Variants in EXOC6B observed in about 807,000 individuals in gnomAD.
EXOC6B encodes the protein exocyst complex component 6B, also known as SEC15 homolog B.
In EXOC6B, 54 loss-of-function variants were observed where a neutral mutation model predicts 113.5. The observed-to-expected ratio is 0.48, with a 90% CI of 0.38 to 0.60. The LOEUF is 0.60. EXOC6B is among the 20% of genes least tolerant of loss of function. The probability of loss-of-function intolerance (pLI) is 0.00; values close to 1 mark genes in which losing one functional copy is unlikely to be tolerated. For synonymous variants in EXOC6B, 357 were observed against 339.0 expected (o/e 1.05, Z -0.58); for missense variants, 797 against 977.5 (o/e 0.82, Z 2.46).
At chr2:72,806,615 T>G (rs138529338) in intron 1 of EXOC6B, among the ~76,000 whole-genome samples, 7 of 152,368 alleles carry the variant, frequency 4.6e-5, no homozygotes, top group African/African-American at 1.7e-4. Context: ...CAAACTACTT[T>G]CCACAGTGGC....
At chr2:72,482,899 C>CAAATAAATTCTCTTA (rs1699190250) in intron 16 of EXOC6B, among the ~76,000 whole-genome samples, 3 of 152,274 alleles carry the variant, frequency 2.0e-5, no homozygotes, top group Non-Finnish European at 2.9e-5. Context: ...CGATACAATT[C>CAAATAAATTCTCTTA]GAATAAATTC....
chr2:72,580,510 T>C (rs1705157172), intron 6 of EXOC6B, among the ~76,000 whole-genome samples: 1 of 152,020 alleles, frequency 6.6e-6, no homozygotes, highest in Non-Finnish European at 1.5e-5. Flanking sequence ...ACATAATAAT[T>C]AATGACATCT....
intron 17 of EXOC6B, among the ~76,000 whole-genome samples, chr2:72,470,813 C>T (rs985557775): frequency 1.3e-5 from 2 of 151,564 alleles, no homozygotes; most frequent in Non-Finnish European, 2.9e-5. Flanking sequence ...TATTTTATGG[C>T]GCATAGTATT....
Position 72,379,988 on chromosome 2 carries a change from A to G in EXOC6B, c.1981-118T>C, listed in dbSNP as rs570907846. 4 of 876,480 alleles carry G rather than the reference A, an allele frequency of 4.6e-6. No individual in the cohort carries two copies. In the East Asian group the frequency reaches 8.5e-5, roughly 19 times the overall value. The allele number at this position is 876,480 out of a possible 1,614,324, so 54.3% of individuals were successfully genotyped here. ...TAGGAATTTCCCTAAGGTTCTCCTC[A>G]TCATAATACCCTTCCATTCAAATAA... On this transcript the variant is annotated intron_variant, in intron 18 of 21. Transcript: ENST00000272427.
At chr2:72,476,940 T>C (rs925195457) in intron 17 of EXOC6B, among the ~76,000 whole-genome samples, 1 of 152,190 alleles carries the variant, frequency 6.6e-6, no homozygotes, top group Non-Finnish European at 1.5e-5. Context: ...ATCCTGCTGG[T>C]TCCAAGATCC....
At chr2:72,420,688 A>G (rs1268999643) in intron 18 of EXOC6B, among the ~76,000 whole-genome samples, 2 of 152,210 alleles carry the variant, frequency 1.3e-5, no homozygotes, top group African/African-American at 2.4e-5. Flanking sequence ...ACACTGCCAC[A>G]GTAAACATAC....
chr2:72,422,047 C>A (rs904366575), intron 18 of EXOC6B, among the ~76,000 whole-genome samples: 1 of 152,252 alleles, frequency 6.6e-6, no homozygotes, highest in African/African-American at 2.4e-5. Context: ...TCTCACTGAG[C>A]CTTAGCTGCC....
chr2:72,519,492 G>A (rs1364939468), intron 8 of EXOC6B, among the ~76,000 whole-genome samples: 5 of 152,128 alleles, frequency 3.3e-5, no homozygotes, highest in Non-Finnish European at 7.4e-5. Flanking sequence ...TGTTCGCTAT[G>A]AGTTCAATGT....
At chr2:72,441,280 T>C (rs1573124671) in intron 18 of EXOC6B, among the ~76,000 whole-genome samples, 2 of 152,142 alleles carry the variant, frequency 1.3e-5, no homozygotes, top group South Asian at 2.1e-4. Flanking sequence ...TAAATACCCA[T>C]ATCAAAAAGT....
intron 20 of EXOC6B, among the ~76,000 whole-genome samples, chr2:72,309,868 A>G (rs1439657552): frequency 6.6e-6 from 1 of 152,150 alleles, no homozygotes; most frequent in East Asian, 1.9e-4. Flanking sequence ...GGATTTGCCT[A>G]TTCTGAATAT....
At chr2:72,581,933 C>A (rs1002512242) in intron 6 of EXOC6B, among the ~76,000 whole-genome samples, 1 of 152,168 alleles carries the variant, frequency 6.6e-6, no homozygotes, top group South Asian at 2.1e-4. Context: ...CAGACCATTG[C>A]CTGAGGCAAC....
At chr2:72,373,632 C>T (rs1037149829) in intron 19 of EXOC6B, among the ~76,000 whole-genome samples, 3 of 152,140 alleles carry the variant, frequency 2.0e-5, no homozygotes, top group African/African-American at 7.2e-5. Context: ...CAAAAGAACA[C>T]ATACAAATGG....
intron 19 of EXOC6B, among the ~76,000 whole-genome samples, chr2:72,355,752 A>G (rs949529229): frequency 6.6e-6 from 1 of 152,232 alleles, no homozygotes; most frequent in African/African-American, 2.4e-5. Flanking sequence ...CAGGTAAGGG[A>G]TTGAAAATTA....
At chr2:72,271,531 G>C (rs1684481832) in intron 20 of EXOC6B, among the ~76,000 whole-genome samples, 1 of 151,492 alleles carries the variant, frequency 6.6e-6, no homozygotes, top group Non-Finnish European at 1.5e-5. Context: ...GAGGAAGGAA[G>C]GTAGGGAGGA....
intron 1 of EXOC6B, among the ~76,000 whole-genome samples, chr2:72,786,881 G>C (rs912752225): frequency 6.6e-6 from 1 of 152,268 alleles, no homozygotes; most frequent in African/African-American, 2.4e-5. Flanking sequence ...TGTTGTCCAA[G>C]TGAAAAACAG....
chr2:72,296,223 G>A (rs1347653704), intron 20 of EXOC6B, among the ~76,000 whole-genome samples: 1 of 152,092 alleles, frequency 6.6e-6, no homozygotes, highest in Non-Finnish European at 1.5e-5. Flanking sequence ...AAAACAGTAA[G>A]TTTCTAATGT....
intron 19 of EXOC6B, among the ~76,000 whole-genome samples, chr2:72,367,089 A>ATCT (rs1690669282): frequency 6.6e-6 from 1 of 152,152 alleles, no homozygotes; most frequent in Admixed American, 6.6e-5. Context: ...TGCAGTAATA[A>ATCT]TGTATTGTGG....
At chr2:72,538,754 A>T (rs1427090537) in intron 8 of EXOC6B, among the ~76,000 whole-genome samples, 5 of 152,264 alleles carry the variant, frequency 3.3e-5, no homozygotes, top group South Asian at 2.1e-4. Flanking sequence ...TGAACAAAGT[A>T]AATGAAGTGA....
At chr2:72,237,241 T>C (rs1423343455) in intron 20 of EXOC6B, among the ~76,000 whole-genome samples, 2 of 152,216 alleles carry the variant, frequency 1.3e-5, no homozygotes, top group African/African-American at 4.8e-5. Context: ...ATCACTTAGA[T>C]GTCAATTTGT....
Sources: allele counts gnomAD v4.1 joint callset (sites outside exome capture counted in the v4.1 genomes callset), GRCh38; gene constraint gnomAD v4.1.1; transcripts MANE v1.5; gene names NCBI Gene and HGNC (gene_info 2026-07-23, HGNC 2026-07-21).